Variants in GPR135 observed in about 807,000 individuals in gnomAD.
The protein encoded by GPR135 is G-protein coupled receptor 135.
In GPR135, 17 loss-of-function variants were observed where a neutral mutation model predicts 15.0. The ratio of observed to expected loss-of-function variants is 1.13; its 90% confidence interval spans 0.78 to 1.70. The LOEUF is 1.70. Ranked by LOEUF, GPR135 falls within the 40% of genes most tolerant of loss-of-function variation. The probability of loss-of-function intolerance (pLI) is 0.00; values close to 1 mark genes in which losing one functional copy is unlikely to be tolerated. For synonymous variants in GPR135, 368 were observed against 349.4 expected (o/e 1.05, Z -0.59); for missense variants, 776 against 727.0 (o/e 1.07, Z -0.78).
At position 59,462,305 on chromosome 14, in the gene GPR135, T is replaced by A. The variant is rs529900703; in HGVS notation, c.*1437A>T. The A allele has an allele frequency of 1.3e-5, 2 of 152,246 alleles. No individual in the cohort carries two copies. Among genetic ancestry groups the A allele is most frequent in the African/African-American group, 2.4e-5 (1 of 41,546 alleles). The allele number at this position is 152,246 out of a possible 1,614,324, so 9.4% of individuals were successfully genotyped here. A position where few individuals can be genotyped will look rare whatever the true frequency, so the allele number is the denominator to read the frequency against. ...GGAAAAGAAAGGGAAAAATAATATT[T>A]AAAAAAATTCTGAGTAAATGATTCT... On this transcript the variant is annotated 3_prime_UTR_variant, in exon 1 of 1. Coordinates refer to ENST00000395116, the MANE Select transcript of GPR135 (RefSeq NM_022571.6).
Position 59,464,189 on chromosome 14 carries a change from G to A in GPR135, c.1038C>T (p.Pro346=). The A allele has an allele frequency of 6.2e-7, 1 of 1,609,266 alleles. No individual in the cohort carries two copies. The highest frequency in any genetic ancestry group is 8.5e-7 in the Non-Finnish European group (1 of 1,179,810). The part of the protein sequence containing the change: ...MIVFVICCWG[P]YCFLVLLAAA... Reference sequence around the variant, plus strand: ...CGGCCAGCAGCACCAGGAAGCAGTAGGGCCCCCAGCAGCAGATGACGAAGA... The same window carrying A: ...CGGCCAGCAGCACCAGGAAGCAGTAAGGCCCCCAGCAGCAGATGACGAAGA... The change falls in exon 1 of 1, where the codon CCC becomes CCT. Residue 346 remains proline (P), a synonymous_variant. Coordinates refer to ENST00000395116, the MANE Select transcript of GPR135 (RefSeq NM_022571.6).
chr14:59,454,829 C>T (rs10151143), intron 6 of GPR135, among the ~76,000 whole-genome samples: 60,395 of 151,912 alleles, frequency 0.4, 12,866 homozygotes, highest in African/African-American at 0.54. Context: ...AGGCCGGGTG[C>T]GGTGGCTCAC....
chr14:59,463,867 C>A lies in GPR135; in HGVS notation c.1360G>T (p.Ala454Ser), dbSNP rs1478347860. 6.2e-7 allele frequency: 1 copy of A among 1,614,158 alleles called. No homozygotes were observed. Among genetic ancestry groups the A allele is most frequent in the Non-Finnish European group, 8.5e-7 (1 of 1,180,008 alleles). ...CGGGCCCACATGGCCACGTCCCCTGCCACTCCGCTGGCCGGGTTGGAAGAG... is the reference window on the plus strand; with the variant it reads ...CGGGCCCACATGGCCACGTCCCCTGACACTCCGCTGGCCGGGTTGGAAGAG... Reference protein sequence around the residue: ...MSSSNPASGVAGDVAMWARKN... With the variant: ...MSSSNPASGVSGDVAMWARKN... Residue 454 changes from alanine to serine, a missense_variant, in exon 1 of 1, where the codon GCA (alanine) becomes TCA (serine). Transcript: ENST00000395116.
At position 59,461,869 on chromosome 14, in the gene GPR135, C is replaced by T. The variant is rs561281855; in HGVS notation, c.*1873G>A. 1 of 152,188 alleles carries T rather than the reference C, an allele frequency of 6.6e-6. No individual in the cohort carries two copies. Among genetic ancestry groups the T allele is most frequent in the African/African-American group, 2.4e-5 (1 of 41,524 alleles). The allele number at this position is 152,188 out of a possible 1,614,324, so 9.4% of individuals were successfully genotyped here. On this transcript the variant is annotated 3_prime_UTR_variant, in exon 1 of 1. Transcript: ENST00000395116. ...TTTTTTGCCTTTAACAGGCAAATAC[C>T]GCAGACACCTGTTTTTGTTAGTCCA...
chr14:59,463,743 T>C lies in GPR135; in HGVS notation c.1484A>G (p.Ter495=). The change falls in exon 1 of 1, where the codon TAA becomes TGA. Residue 495 remains the stop codon, a stop_retained_variant. Transcript: ENST00000395116. The stretch of plus-strand genomic sequence containing the variant: ...CATAAGCTGGCCATTCCAACCGTCT[T>C]AGAGGCTGGTATCCCCAGCTTCGGA... ...PKSEAGDTSL[*] is the part of the protein sequence containing the mutation. The C allele has an allele frequency of 6.3e-7, 1 of 1,588,138 alleles. No homozygotes were observed. Among genetic ancestry groups the C allele is most frequent in the Non-Finnish European group, 8.6e-7 (1 of 1,164,918 alleles).
chr14:59,464,588 G>C lies in GPR135; in HGVS notation c.639C>G (p.Ile213Met). The change falls in exon 1 of 1, where the codon ATC becomes ATG. Residue 213 changes from isoleucine to methionine, a missense_variant. Coordinates refer to ENST00000395116, the MANE Select transcript of GPR135 (RefSeq NM_022571.6). Reference protein sequence around the residue: ...ALISLDRYCAIVRPPREKIGR... With the variant: ...ALISLDRYCAMVRPPREKIGR... ...CGATCTTCTCCCGCGGCGGCCGCAC[G>C]ATAGCGCAGTAACGGTCCAACGAGA... 6.3e-7 allele frequency: 1 copy of C among 1,587,442 alleles called. No individual in the cohort carries two copies. The highest frequency in any genetic ancestry group is 1.4e-5 in the African/African-American group (1 of 73,728).
rs1029278138 is a variant in GPR135, at chr14:59,465,162, C to A, written c.65G>T (p.Gly22Val). The change falls in exon 1 of 1, where the codon GGC becomes GTC. Residue 22 changes from glycine to valine, a missense_variant. Gly to Val is a moderately radical substitution (Grantham distance 109, BLOSUM62 -3). Transcript: ENST00000395116. The part of the protein sequence containing the change: ...SMALLGSQHS[G>V]APSAAGPPGG... ...AGGTGGGCCGGCCGCGGAGGGGGCG[C>A]CGGAGTGCTGGCTGCCCAGTAAGGC... The A allele has an allele frequency of 2.3e-6, 3 of 1,330,860 alleles. No homozygotes were observed. The highest frequency in any genetic ancestry group is 3.0e-5 in the African/African-American group (2 of 65,706). The allele number at this position is 1,330,860 out of a possible 1,614,324, so 82.4% of individuals were successfully genotyped here.
chr14:59,455,234 A>C (rs1888614718), intron 6 of GPR135, among the ~76,000 whole-genome samples: 1 of 152,192 alleles, frequency 6.6e-6, no homozygotes, highest in African/African-American at 2.4e-5. Context: ...TGCATGAGCC[A>C]CTAATAAGTT....
Position 59,464,447 on chromosome 14 carries a change from G to A in GPR135, c.780C>T (p.His260=), listed in dbSNP as rs1301540378. ...PRELAAAQSF[H]GCLYRTSPDP... ...CCGGGGAGGTCCGGTAGAGGCAGCC[G>A]TGGAAGCTCTGCGCCGCCGCGAGTT... Residue 260 remains histidine, a synonymous_variant, in exon 1 of 1, where the codon CAC becomes CAT. Coordinates refer to ENST00000395116, the MANE Select transcript of GPR135 (RefSeq NM_022571.6). 5 of 1,561,992 alleles carry A rather than the reference G, an allele frequency of 3.2e-6. No homozygotes were observed. The highest frequency in any genetic ancestry group is 2.4e-5 in the East Asian group (1 of 42,422).
Position 59,464,221 on chromosome 14 carries a change from T to G in GPR135, c.1006A>C (p.Met336Leu). ...EVRTATTVLI[M>L]IVFVICCWGP... Reference sequence around the variant, plus strand: ...CAGCAGCAGATGACGAAGACGATCATGATGAGGACGGTGGTGGCCGTGCGC... The same window carrying G: ...CAGCAGCAGATGACGAAGACGATCAGGATGAGGACGGTGGTGGCCGTGCGC... Residue 336 changes from methionine to leucine, a missense_variant, in exon 1 of 1, where the codon ATG (methionine) becomes CTG (leucine). Coordinates refer to ENST00000395116, the MANE Select transcript of GPR135 (RefSeq NM_022571.6). 1.9e-6 allele frequency: 3 copies of G among 1,611,430 alleles called. No individual in the cohort carries two copies. The highest frequency in any genetic ancestry group is 1.7e-4 in the Middle Eastern group (1 of 6,060).
At position 59,463,905 on chromosome 14, in the gene GPR135, C is replaced by G; in HGVS notation, c.1322G>C (p.Cys441Ser). 1 of 1,614,070 alleles carries G rather than the reference C, an allele frequency of 6.2e-7. No individual in the cohort carries two copies. Among genetic ancestry groups the G allele is most frequent in the East Asian group, 2.2e-5 (1 of 44,886 alleles). The stretch of plus-strand genomic sequence containing the variant: ...CGGGTTGGAAGAGGACATCCTGTTG[C>G]AGGCCCCCAGCCGGTTGGCATAGCG... The part of the protein sequence containing the change: ...RNRYANRLGA[C>S]NRMSSSNPAS... The change falls in exon 1 of 1, where the codon TGC (cysteine) becomes TCC (serine). Residue 441 changes from cysteine (C) to serine (S), a missense_variant. Transcript: ENST00000395116.
Position 59,465,342 on chromosome 14 carries a change from C to T in GPR135, c.-116G>A, listed in dbSNP as rs1326683770. On this transcript the variant is annotated 5_prime_UTR_variant, in exon 1 of 1. Transcript: ENST00000395116. ...GCCGCCGCGGGGAGCTGGGCTCGGC[C>T]GGAGGGGTGGCGGTCGCTGGGGACC... 3 of 775,650 alleles carry T rather than the reference C, an allele frequency of 3.9e-6. No homozygotes were observed. In the African/African-American group the frequency reaches 5.5e-5, roughly 14 times the overall value. The allele number at this position is 775,650 out of a possible 1,614,324, so 48.0% of individuals were successfully genotyped here. A position where few individuals can be genotyped will look rare whatever the true frequency, so the allele number is the denominator to read the frequency against.
At chr14:59,458,917 T>A (rs906953770), downstream of GPR135, 9 of 152,116 alleles carry the variant, frequency 5.9e-5, no homozygotes, top group Non-Finnish European at 1.2e-4. Flanking sequence ...AACCTGCCCC[T>A]CTGAGGAAAA....
downstream of GPR135, chr14:59,456,523 G>A (rs1888661412): frequency 1.3e-5 from 2 of 152,174 alleles, no homozygotes; most frequent in African/African-American, 2.4e-5. Flanking sequence ...TAACTTGATG[G>A]TGGAAGTGAA....
At chr14:59,455,852 A>G (rs1030902566), downstream of GPR135, 2 of 152,234 alleles carry the variant, frequency 1.3e-5, no homozygotes, top group African/African-American at 4.8e-5. Flanking sequence ...CTGTTCATCA[A>G]AAGTGATCAT....
At position 59,464,166 on chromosome 14, in the gene GPR135, G is replaced by A. The variant is rs375777007; in HGVS notation, c.1061C>T (p.Ala354Val). 3 of 1,608,712 alleles carry A rather than the reference G, an allele frequency of 1.9e-6. No individual in the cohort carries two copies. Among genetic ancestry groups the A allele is most frequent in the African/African-American group, 1.3e-5 (1 of 74,912 alleles). Reference sequence around the variant, plus strand: ...CATGGTCTGGGCCTGCCGGGCGGCGGCCAGCAGCACCAGGAAGCAGTAGGG... The same window carrying A: ...CATGGTCTGGGCCTGCCGGGCGGCGACCAGCAGCACCAGGAAGCAGTAGGG... ...WGPYCFLVLLAAARQAQTMQA... is the reference protein window; with the variant it reads ...WGPYCFLVLLVAARQAQTMQA... Residue 354 changes from alanine to valine, a missense_variant, in exon 1 of 1, where the codon GCC becomes GTC. Physicochemically the swap from Ala to Val is moderately conservative, Grantham distance 64 (BLOSUM62 0). Transcript: ENST00000395116.
At chr14:59,454,223 G>A (rs1450129393) in intron 6 of GPR135, among the ~76,000 whole-genome samples, 4 of 152,148 alleles carry the variant, frequency 2.6e-5, no homozygotes, top group Non-Finnish European at 5.9e-5. Context: ...ACAGAGACTG[G>A]CTTAGCCTGC....
At chr14:59,457,882 G>T (rs1489033937), downstream of GPR135, among the ~76,000 whole-genome samples, 4 of 151,910 alleles carry the variant, frequency 2.6e-5, no homozygotes, top group Admixed American at 6.6e-5. Flanking sequence ...CTATTTCTGT[G>T]CATGTCTCAT....
chr14:59,457,049 T>G (rs1002469250), downstream of GPR135, among the ~76,000 whole-genome samples: 7 of 152,172 alleles, frequency 4.6e-5, no homozygotes, highest in Non-Finnish European at 1.0e-4. Flanking sequence ...ACTTTTAATG[T>G]GTATTTGTTG....
Sources: gnomAD v4.1 joint callset for allele counts (sites outside exome capture counted in the v4.1 genomes callset) on GRCh38, gnomAD v4.1.1 for gene constraint, MANE v1.5 for transcripts, NCBI Gene and HGNC (gene_info 2026-07-23, HGNC 2026-07-21) for gene names.